The following PPA2 variants were observed in gnomAD, a reference collection of about 807,000 sequenced individuals.
PPA2 encodes the protein inorganic pyrophosphatase 2.
PPA2 carries 48 observed loss-of-function variants against 49.5 expected under a neutral mutation model. That is an observed-to-expected ratio of 0.97 (90% CI 0.77 to 1.23). PPA2 has a LOEUF of 1.23. PPA2 is among the 50% of genes most tolerant of loss of function. PPA2 has a pLI of 0.00. For missense variants in PPA2, 429 were observed against 410.1 expected (o/e 1.05, Z -0.40); for synonymous variants, 131 against 139.9 (o/e 0.94, Z 0.45).
chr4:105,460,221 C>T (rs533766438), intron 1 of PPA2, among the ~76,000 whole-genome samples: 1 of 152,150 alleles, frequency 6.6e-6, no homozygotes, highest in Non-Finnish European at 1.5e-5. Context: ...TAAAACAATA[C>T]AGTATAACAA....
intron 6 of PPA2, among the ~76,000 whole-genome samples, chr4:105,426,695 G>A (rs981202571): frequency 3.7e-4 from 56 of 152,326 alleles, no homozygotes; most frequent in African/African-American, 1.2e-3. Flanking sequence ...AAACAAAGCC[G>A]CAGGGAAGTG....
chr4:105,456,251 A>G (rs1335794359), intron 2 of PPA2: 1 of 473,240 alleles, frequency 2.1e-6, no homozygotes, highest in Non-Finnish European at 4.2e-6. Context: ...CACTTACCAG[A>G]TCTTAGACAA....
intron 7 of PPA2, among the ~76,000 whole-genome samples, chr4:105,407,244 T>A (rs1057005806): frequency 1.3e-5 from 2 of 152,142 alleles, no homozygotes; most frequent in African/African-American, 2.4e-5. Flanking sequence ...AGATGGCAAA[T>A]ATGTGGGCAA....
At position 105,424,318 on chromosome 4, in the gene PPA2, A is replaced by G. The variant is rs373138169; in HGVS notation, c.533T>C (p.Leu178Pro). The change falls in exon 7 of 12, where the codon CTT (leucine) becomes CCT (proline). Residue 178 changes from leucine (L) to proline (P), a missense_variant. Coordinates refer to ENST00000341695, the MANE Select transcript of PPA2 (RefSeq NM_176869.3). ...CACATGAATAACTTCTCCACAAGAAAGAATCTTTAAAGAAAAAAGAAATTC... is the reference window on the plus strand; with the variant it reads ...CACATGAATAACTTCTCCACAAGAAGGAATCTTTAAAGAAAAAAGAAATTC... ...IDVCEIGSKI[L>P]SCGEVIHVKI... The G allele has an allele frequency of 5.0e-6, 8 of 1,586,612 alleles. No individual in the cohort carries two copies. Among genetic ancestry groups the G allele is most frequent in the Non-Finnish European group, 6.8e-6 (8 of 1,173,432 alleles).
At chr4:105,389,428 C>T (rs1211097081) in intron 9 of PPA2, among the ~76,000 whole-genome samples, 1 of 147,470 alleles carries the variant, frequency 6.8e-6, no homozygotes, top group Non-Finnish European at 1.5e-5. Context: ...GCTGTTAGTG[C>T]CCACTATAAA....
chr4:105,449,406 G>A lies in PPA2; in HGVS notation c.268-3C>T. The A allele has an allele frequency of 1.3e-6, 2 of 1,561,858 alleles. No homozygotes were observed. The highest frequency in any genetic ancestry group is 1.7e-6 in the Non-Finnish European group (2 of 1,145,026). ...TCTACAATCATATTAAACAGATTCT[G>A]CAGTTAAAAACAAAACAAAGAGAGA... On this transcript the variant is annotated splice_region_variant and splice_polypyrimidine_tract_variant and intron_variant, in intron 3 of 11. Coordinates refer to ENST00000341695, the MANE Select transcript of PPA2 (RefSeq NM_176869.3).
At chr4:105,466,110 TTA>T (rs1723290314) in intron 1 of PPA2, among the ~76,000 whole-genome samples, 2 of 152,166 alleles carry the variant, frequency 1.3e-5, no homozygotes, top group South Asian at 4.1e-4. Context: ...TTCTACTGAC[TTA>T]CTTGTTTTAA....
intron 8 of PPA2, among the ~76,000 whole-genome samples, chr4:105,396,928 C>A (rs909841184): frequency 2.6e-5 from 4 of 152,040 alleles, no homozygotes; most frequent in South Asian, 4.1e-4. Context: ...TTTTTTCAAT[C>A]GAAGTAATTT....
intron 5 of PPA2, among the ~76,000 whole-genome samples, chr4:105,445,052 T>C (rs2636751): frequency 0.34 from 52,293 of 152,096 alleles, 10,738 homozygotes; most frequent in East Asian, 0.67. Context: ...CAGTCACTTA[T>C]TATGAGGCCT....
At chr4:105,445,429 T>C (rs1722332428) in intron 5 of PPA2, among the ~76,000 whole-genome samples, 1 of 152,140 alleles carries the variant, frequency 6.6e-6, no homozygotes, top group Non-Finnish European at 1.5e-5. Context: ...TAACCAAGAA[T>C]GTATCCATGT....
intron 10 of PPA2, among the ~76,000 whole-genome samples, chr4:105,382,665 T>C (rs1035351518): frequency 6.6e-6 from 1 of 151,914 alleles, no homozygotes; most frequent in Non-Finnish European, 1.5e-5. Flanking sequence ...TTTTTGGCTA[T>C]AAAATCAGGT....
chr4:105,384,685 T>C (rs1016372660), intron 10 of PPA2, among the ~76,000 whole-genome samples: 2 of 152,188 alleles, frequency 1.3e-5, no homozygotes, highest in African/African-American at 4.8e-5. Flanking sequence ...AACTGATAAC[T>C]TGGAGAAAAT....
chr4:105,405,242 A>G (rs1722408539), intron 7 of PPA2: 1 of 725,330 alleles, frequency 1.4e-6, no homozygotes, highest in Non-Finnish European at 1.7e-6. Flanking sequence ...AAACACAAAG[A>G]CTAAAAATAA....
intron 6 of PPA2, among the ~76,000 whole-genome samples, chr4:105,429,836 A>C (rs1723716070): frequency 6.6e-6 from 1 of 152,222 alleles, no homozygotes; most frequent in Admixed American, 6.5e-5. Flanking sequence ...AGTAAAACAT[A>C]ATAGAGTAAA....
intron 7 of PPA2, among the ~76,000 whole-genome samples, chr4:105,417,580 G>A (rs1449299780): frequency 6.6e-6 from 1 of 150,934 alleles, no homozygotes; most frequent in Non-Finnish European, 1.5e-5. Context: ...ACTGTAAGAG[G>A]TCAAGGTTCA....
intron 4 of PPA2, among the ~76,000 whole-genome samples, chr4:105,447,828 G>GAAGC (rs1295119689): frequency 6.6e-6 from 1 of 151,542 alleles, no homozygotes; most frequent in East Asian, 1.9e-4. Flanking sequence ...CTGCCTCCTG[G>GAAGC]AAGCAAGCAA....
In PPA2 at chr4:105,449,543, C is replaced by T. The variant is rs1722579876; in HGVS notation, c.268-140G>A. 5 of 507,564 alleles carry T rather than the reference C, an allele frequency of 9.9e-6. No individual in the cohort carries two copies. In the East Asian group the frequency reaches 1.8e-4, roughly 18 times the overall value. The allele number at this position is 507,564 out of a possible 1,614,324, so 31.4% of individuals were successfully genotyped here. ...GTCTCCATCATACATCTACCTATGC[C>T]TTAAATTTTTTCTAGAAATTAGAGT... On this transcript the variant is annotated intron_variant, in intron 3 of 11. Coordinates refer to ENST00000341695, the MANE Select transcript of PPA2 (RefSeq NM_176869.3).
intron 3 of PPA2, among the ~76,000 whole-genome samples, chr4:105,451,550 A>C (rs995759911): frequency 6.6e-6 from 1 of 152,198 alleles, no homozygotes; most frequent in Non-Finnish European, 1.5e-5. Context: ...AATATGTCTG[A>C]AGTAGCTGTT....
chr4:105,462,067 A>G (rs1723115119), intron 1 of PPA2, among the ~76,000 whole-genome samples: 1 of 152,258 alleles, frequency 6.6e-6, no homozygotes. Flanking sequence ...TGTAGTATCT[A>G]TCCTGATCCT....
Sources: gnomAD v4.1 joint callset for allele counts (sites outside exome capture counted in the v4.1 genomes callset) on GRCh38, gnomAD v4.1.1 for gene constraint, MANE v1.5 for transcripts, NCBI Gene and HGNC (gene_info 2026-07-23, HGNC 2026-07-21) for gene names.